Variants in CAST observed in about 807,000 individuals in gnomAD.
The protein encoded by CAST is calpastatin.
Under a neutral mutation model 119.6 loss-of-function variants are expected in CAST, and 76 were observed. The observed-to-expected ratio is 0.64, with a 90% confidence interval of 0.53 to 0.77. The LOEUF is 0.77. Ranked by LOEUF, CAST falls within the 30% of genes least tolerant of loss-of-function variation. CAST has a pLI of 0.00. For missense variants in CAST, 953 were observed against 946.5 expected, an observed-to-expected ratio of 1.01 and a Z score of -0.09; for synonymous variants, 319 against 331.6, an observed-to-expected ratio of 0.96 and a Z score of 0.41.
chr5:96,452,250 A>G, the CAST span, among the ~76,000 whole-genome samples: 1 of 152,202 alleles, frequency 6.6e-6, no homozygotes, highest in Non-Finnish European at 1.5e-5. Context: ...CCAAATGCCC[A>G]TCAATGATAG....
chr5:96,665,972 T>C (rs754901148), intron 1 of CAST, among the ~76,000 whole-genome samples: 18 of 152,202 alleles, frequency 1.2e-4, no homozygotes, highest in Admixed American at 3.3e-4. Context: ...TCTACAGATA[T>C]AAACACAGAT....
At chr5:96,097,979 C>T in the CAST span, among the ~76,000 whole-genome samples, 1 of 152,194 alleles carries the variant, frequency 6.6e-6, no homozygotes, top group Non-Finnish European at 1.5e-5. Context: ...TCTCTACAAC[C>T]TTACCATCAT....
chr5:96,409,202 G>A, the CAST span, among the ~76,000 whole-genome samples: 1 of 152,176 alleles, frequency 6.6e-6, no homozygotes, highest in Non-Finnish European at 1.5e-5. Flanking sequence ...GCTGCTGGTT[G>A]GGCCAAGGGA....
chr5:96,347,053 A>G, the CAST span, among the ~76,000 whole-genome samples: 1 of 152,126 alleles, frequency 6.6e-6, no homozygotes, highest in Non-Finnish European at 1.5e-5. Flanking sequence ...AGTGGCAGTA[A>G]CTAGATCAGC....
chr5:96,740,833 T>G lies in CAST; in HGVS notation c.918+50T>G, dbSNP rs188191920. On this transcript the variant is annotated intron_variant, in intron 13 of 31. Transcript: ENST00000675179. ...ATCTAAATTAATAGTTTTATATTTT[T>G]GGCTGGGGGAACAGGGCTATCAATT... 231 of 1,244,656 alleles carry G rather than the reference T, an allele frequency of 1.9e-4. No individual in the cohort carries two copies. In the African/African-American group the frequency reaches 3.0e-3, roughly 16 times the overall value. The allele number at this position is 1,244,656 out of a possible 1,614,324, so 77.1% of individuals were successfully genotyped here.
chr5:96,013,983 A>T, the CAST span, among the ~76,000 whole-genome samples: 1 of 152,104 alleles, frequency 6.6e-6, no homozygotes, highest in Non-Finnish European at 1.5e-5. Context: ...TTTCTTAATA[A>T]TAAATTAACC....
At chr5:96,534,270 TTAAAG>T (rs1745741687) in intron 1 of CAST, among the ~76,000 whole-genome samples, 1 of 152,146 alleles carries the variant, frequency 6.6e-6, no homozygotes, top group Admixed American at 6.5e-5. Context: ...AAAAATCTAT[TTAAAG>T]TATGAGATAG....
chr5:96,027,604 A>G, the CAST span, among the ~76,000 whole-genome samples: 1 of 152,146 alleles, frequency 6.6e-6, no homozygotes, highest in Non-Finnish European at 1.5e-5. Flanking sequence ...AATGTAAATG[A>G]GCCAACTTCT....
At chr5:96,647,154 C>A (rs1010413987) in intron 1 of CAST, among the ~76,000 whole-genome samples, 1 of 152,090 alleles carries the variant, frequency 6.6e-6, no homozygotes, top group Non-Finnish European at 1.5e-5. Context: ...ATACACGGAT[C>A]GGAGGAAACA....
intron 1 of CAST, among the ~76,000 whole-genome samples, chr5:96,610,997 T>C (rs1332266001): frequency 6.6e-6 from 1 of 152,042 alleles, no homozygotes; most frequent in African/African-American, 2.4e-5. Context: ...GCAAAGAGCA[T>C]TACAAAACAG....
At chr5:96,412,918 G>T in the CAST span, 2 of 332,894 alleles carry the variant, frequency 6.0e-6, no homozygotes, top group Non-Finnish European at 8.1e-6. Context: ...CTAAATGACA[G>T]ACCAGCTTTC....
the CAST span, chr5:96,391,036 GC>G: frequency 6.6e-6 from 1 of 152,424 alleles, no homozygotes; most frequent in Non-Finnish European, 1.5e-5. Flanking sequence ...GCCTTTCCGG[GC>G]CAATCTAAGA....
intron 1 of CAST, among the ~76,000 whole-genome samples, chr5:96,621,466 A>C (rs1442292987): frequency 6.6e-6 from 1 of 152,214 alleles, no homozygotes; most frequent in Non-Finnish European, 1.5e-5. Flanking sequence ...AGGCCTCAGG[A>C]AACTTACAGT....
chr5:96,247,590 C>G, the CAST span, among the ~76,000 whole-genome samples: 2 of 152,232 alleles, frequency 1.3e-5, no homozygotes, highest in East Asian at 1.9e-4. Flanking sequence ...AGTCAGAACA[C>G]TGACTTTTTC....
intron 1 of CAST, among the ~76,000 whole-genome samples, chr5:96,560,219 A>G (rs1746328433): frequency 6.6e-6 from 1 of 152,118 alleles, no homozygotes; most frequent in Admixed American, 6.5e-5. Flanking sequence ...GATGGATTAA[A>G]GACTTAAATG....
the CAST span, among the ~76,000 whole-genome samples, chr5:96,360,449 T>G: frequency 0.01 from 1,567 of 152,308 alleles, 27 homozygotes; most frequent in African/African-American, 0.036. Context: ...GCACTGGTTT[T>G]CCTCATCTTC....
the CAST span, chr5:96,393,528 T>C: frequency 1.1e-6 from 1 of 946,160 alleles, no homozygotes; most frequent in Non-Finnish European, 1.7e-6. Flanking sequence ...CCACATGGAC[T>C]TGGGCTTCAA....
chr5:96,465,050 TA>T, the CAST span, among the ~76,000 whole-genome samples: 1 of 152,114 alleles, frequency 6.6e-6, no homozygotes, highest in Non-Finnish European at 1.5e-5. Context: ...GAACACAGTA[TA>T]TGTATCAATT....
the CAST span, among the ~76,000 whole-genome samples, chr5:96,300,583 T>C: frequency 2.0e-5 from 3 of 152,148 alleles, no homozygotes; most frequent in African/African-American, 7.2e-5. Context: ...TGCTATTTTT[T>C]TTTTTGAGGT....
Sources: allele counts gnomAD v4.1 joint callset (sites outside exome capture counted in the v4.1 genomes callset), GRCh38; gene constraint gnomAD v4.1.1; transcripts MANE v1.5; gene names NCBI Gene and HGNC (gene_info 2026-07-23, HGNC 2026-07-21).